Variants in SYT14 observed in about 807,000 individuals in gnomAD.
SYT14 encodes the protein synaptotagmin 14, also known as synaptotagmin-14.
SYT14 carries 32 observed loss-of-function variants against 74.2 expected under a neutral mutation model. That is an observed-to-expected ratio of 0.43 (90% CI 0.33 to 0.58). The LOEUF (loss-of-function observed/expected upper bound fraction) is 0.58, where lower values mean the gene tolerates loss of function less well. Among genes scored for constraint, SYT14 ranks in the 20% least tolerant of loss-of-function variants. The pLI is 0.05. For synonymous variants in SYT14, 298 were observed against 337.7 expected, an observed-to-expected ratio of 0.88 and a Z score of 1.29; for missense variants, 791 against 981.8, an observed-to-expected ratio of 0.81 and a Z score of 2.60.
intron 8 of SYT14, among the ~76,000 whole-genome samples, chr1:210,156,154 T>C (rs1322367746): frequency 6.6e-6 from 1 of 152,188 alleles, no homozygotes; most frequent in Non-Finnish European, 1.5e-5. Flanking sequence ...AAATTATCTC[T>C]ATCATAGCCA....
At chr1:209,977,845 A>G (rs867401845) in intron 2 of SYT14, among the ~76,000 whole-genome samples, 21 of 152,322 alleles carry the variant, frequency 1.4e-4, no homozygotes, top group Middle Eastern at 3.4e-3. Context: ...AGGTACACCA[A>G]TCAGACATAG....
rs936625490 is a variant in SYT14 at position 210,117,098 on chromosome 1, T to G, written c.2034+16637T>G. On this transcript the variant is annotated intron_variant, in intron 7 of 9. Coordinates refer to ENST00000637265, the Ensembl canonical transcript of SYT14. ...TCAAGAGTATAATGCCACAGACTCT[T>G]AAGACTGAACTACCCTCTTTATGAC... Among the ~76,000 whole-genome samples, 13 of 152,308 alleles carry G rather than the reference T, an allele frequency of 8.5e-5. 1 individual carries two copies. Among genetic ancestry groups the G allele is most frequent in the Admixed American group, 2.6e-4 (4 of 15,308 alleles).
chr1:210,027,758 A>C (rs1295098996), intron 5 of SYT14, among the ~76,000 whole-genome samples: 1 of 151,974 alleles, frequency 6.6e-6, no homozygotes, highest in African/African-American at 2.4e-5. Flanking sequence ...TTTGAAGGGG[A>C]AATAATCTTG....
chr1:209,947,817 G>A (rs2078846600), intron 1 of SYT14, among the ~76,000 whole-genome samples: 1 of 152,158 alleles, frequency 6.6e-6, no homozygotes, highest in African/African-American at 2.4e-5. Context: ...ATCCATCAGT[G>A]TGGTAAACTT....
At chr1:209,961,169 C>T (rs376256434) in intron 2 of SYT14, among the ~76,000 whole-genome samples, 3 of 152,166 alleles carry the variant, frequency 2.0e-5, no homozygotes. Context: ...TGGGCTCTTC[C>T]TTCTTTTGGT....
At chr1:210,132,466 G>A (rs2082694768) in intron 7 of SYT14, among the ~76,000 whole-genome samples, 2 of 151,890 alleles carry the variant, frequency 1.3e-5, no homozygotes, top group Non-Finnish European at 2.9e-5. Context: ...TGTCATAGGG[G>A]TTTATTGTAC....
intron 5 of SYT14, among the ~76,000 whole-genome samples, chr1:210,087,825 C>G (rs1320461623): frequency 6.6e-6 from 1 of 152,180 alleles, no homozygotes; most frequent in Non-Finnish European, 1.5e-5. Flanking sequence ...TCTAATGTGG[C>G]TCTGCACCGC....
At chr1:209,993,025 C>T (rs1044087057) in intron 2 of SYT14, among the ~76,000 whole-genome samples, 22 of 152,206 alleles carry the variant, frequency 1.4e-4, no homozygotes, top group Admixed American at 6.5e-5. Flanking sequence ...AGTTACTCGT[C>T]TGCTGTGGAC....
intron 2 of SYT14, among the ~76,000 whole-genome samples, chr1:210,004,536 T>C (rs528044719): frequency 6.6e-6 from 1 of 152,196 alleles, no homozygotes; most frequent in East Asian, 1.9e-4. Context: ...TTTCTCTTTT[T>C]GATTGACAAA....
At chr1:210,165,767 A>G (rs1487467837) in exon 10 of SYT14, 2 of 152,196 alleles carry the variant, frequency 1.3e-5, no homozygotes, top group Middle Eastern at 3.2e-3. Flanking sequence ...CCCTTTGCTT[A>G]TAGTAGGCAG....
intron 1 of SYT14, among the ~76,000 whole-genome samples, chr1:209,952,339 A>G (rs937161071): frequency 9.9e-5 from 15 of 152,188 alleles, no homozygotes; most frequent in Non-Finnish European, 1.8e-4. Flanking sequence ...TGACCTTTCA[A>G]TAACTTAACC....
intron 2 of SYT14, among the ~76,000 whole-genome samples, chr1:209,953,978 C>T (rs1463342037): frequency 1.3e-5 from 2 of 152,156 alleles, no homozygotes; most frequent in African/African-American, 4.8e-5. Context: ...TCTACATAAA[C>T]ATTTGTAGTT....
chr1:209,962,036 T>C (rs10779517), intron 2 of SYT14, among the ~76,000 whole-genome samples: 99,789 of 151,812 alleles, frequency 0.66, 33,770 homozygotes, highest in East Asian at 0.85. Flanking sequence ...AATTTTTCTC[T>C]TATTGTTAGA....
At chr1:210,014,419 T>G (rs1245576459) in intron 3 of SYT14, among the ~76,000 whole-genome samples, 2 of 150,034 alleles carry the variant, frequency 1.3e-5, no homozygotes, top group Admixed American at 6.6e-5. Context: ...TTGGAGTGTT[T>G]TTTTTTTTTT....
chr1:210,027,245 T>C (rs537609595), intron 5 of SYT14, among the ~76,000 whole-genome samples: 2 of 152,088 alleles, frequency 1.3e-5, no homozygotes, highest in Non-Finnish European at 2.9e-5. Context: ...CTATAATGTC[T>C]CTACAAAAAA....
intron 2 of SYT14, among the ~76,000 whole-genome samples, chr1:209,977,015 C>G (rs1043565115): frequency 1.3e-5 from 2 of 152,180 alleles, no homozygotes; most frequent in Non-Finnish European, 2.9e-5. Context: ...TTATCAGAGA[C>G]TAGGTTTGCA....
chr1:209,969,170 A>G (rs1315141407), intron 2 of SYT14, among the ~76,000 whole-genome samples: 1 of 152,002 alleles, frequency 6.6e-6, no homozygotes. Flanking sequence ...GGTTGATTCC[A>G]TGTCTTTGCT....
At chr1:209,977,434 G>A (rs1295307622) in intron 2 of SYT14, among the ~76,000 whole-genome samples, 2 of 152,138 alleles carry the variant, frequency 1.3e-5, no homozygotes, top group African/African-American at 4.8e-5. Flanking sequence ...TTGCTTGTCT[G>A]TAAAGGATTT....
intron 8 of SYT14, 40 bp downstream of exon 7, chr1:210,155,950 C>T (rs1040093952): frequency 5.0e-6 from 8 of 1,585,462 alleles, no homozygotes; most frequent in African/African-American, 2.7e-5. Context: ...ATGTTTTCTG[C>T]ACTTTTGGGA....
Sources: gnomAD v4.1 joint callset for allele counts (sites outside exome capture counted in the v4.1 genomes callset) on GRCh38, gnomAD v4.1.1 for gene constraint, MANE v1.5 for transcripts, NCBI Gene and HGNC (gene_info 2026-07-23, HGNC 2026-07-21) for gene names.